Variants in ZNF605 observed in about 807,000 individuals in gnomAD.
ZNF605 encodes zinc finger protein 605.
ZNF605 carries 9 observed loss-of-function variants against 7.9 expected under a neutral mutation model. The ratio of observed to expected loss-of-function variants is 1.14; its 90% CI spans 0.68 to 1.98. The LOEUF is 1.98. Ranked by LOEUF, ZNF605 falls within the 30% of genes most tolerant of loss-of-function variation. ZNF605 has a pLI of 0.00. For synonymous variants in ZNF605, 255 were observed against 260.1 expected (o/e 0.98, Z 0.19); for missense variants, 673 against 762.4 (o/e 0.88, Z 1.38).
rs904669513 is a variant in ZNF605 at position 132,950,454 on chromosome 12, C to T, written c.-285-2184G>A. 1.8e-3 allele frequency among the ~76,000 whole-genome samples: 239 copies of T among 136,262 alleles called. 1 individual carries two copies. Among genetic ancestry groups the T allele is most frequent in the Admixed American group, 3.0e-3 (43 of 14,380 alleles). 89.4% of individuals were successfully genotyped at this position (136,262 alleles called of 152,430 possible). A position where few individuals can be genotyped will look rare whatever the true frequency, so the allele number is the denominator to read the frequency against. On this transcript the variant is annotated intron_variant, in intron 1 of 4. Transcript: ENST00000360187. ...GCACATACGTGCAGACGTGCACAGA[C>T]GCACATACAGACACACAGACATGCA...
At chr12:132,955,105 A>G (rs1449109361) in intron 1 of ZNF605, among the ~76,000 whole-genome samples, 3 of 152,094 alleles carry the variant, frequency 2.0e-5, no homozygotes, top group Non-Finnish European at 4.4e-5. Context: ...GGAAGTGGGG[A>G]AAAAAAGACG....
chr12:132,951,327 C>T (rs1033363431), intron 1 of ZNF605, among the ~76,000 whole-genome samples: 39 of 150,806 alleles, frequency 2.6e-4, no homozygotes, highest in Middle Eastern at 3.5e-3. Context: ...CTGATACACA[C>T]GTACATCACA....
Position 132,943,136 on chromosome 12 carries a change from G to A in ZNF605, c.15+2485C>T, listed in dbSNP as rs975324435. Among the ~76,000 whole-genome samples, 5 of 152,060 alleles carry A rather than the reference G, an allele frequency of 3.3e-5. No homozygotes were observed. In the East Asian group the frequency reaches 9.7e-4, roughly 29 times the overall value. On this transcript the variant is annotated intron_variant, in intron 3 of 4. Coordinates refer to ENST00000360187, the MANE Select transcript of ZNF605 (RefSeq NM_183238.4). Reference sequence around the variant, plus strand: ...CCCGCACTTTGGGAGACTGAGGTGGGTGGATCCCAAGGTCAGGAAATTGAG... The same window carrying A: ...CCCGCACTTTGGGAGACTGAGGTGGATGGATCCCAAGGTCAGGAAATTGAG...
At chr12:132,931,825 A>G (rs1952311618) in intron 4 of ZNF605, among the ~76,000 whole-genome samples, 1 of 152,262 alleles carries the variant, frequency 6.6e-6, no homozygotes, top group Non-Finnish European at 1.5e-5. Context: ...GAAGTTAAAC[A>G]TCAAATGTAC....
chr12:132,943,933 A>G (rs1178671085), intron 3 of ZNF605, among the ~76,000 whole-genome samples: 3 of 152,222 alleles, frequency 2.0e-5, no homozygotes, highest in Admixed American at 6.5e-5. Context: ...GAACAGATTA[A>G]TAATGTTTAC....
intron 1 of ZNF605, among the ~76,000 whole-genome samples, chr12:132,950,587 C>G (rs952590134): frequency 5.3e-5 from 8 of 151,760 alleles, no homozygotes; most frequent in Non-Finnish European, 8.8e-5. Context: ...TGCACACACA[C>G]TGATGCACAC....
chr12:132,939,058 G>C (rs562808044), intron 3 of ZNF605, among the ~76,000 whole-genome samples: 1 of 150,220 alleles, frequency 6.7e-6, no homozygotes, highest in Admixed American at 6.6e-5. Context: ...GCTCCCATGC[G>C]GCCCCAGCCT....
chr12:132,952,949 G>A (rs1267643635), intron 1 of ZNF605, among the ~76,000 whole-genome samples: 1 of 151,838 alleles, frequency 6.6e-6, no homozygotes, highest in East Asian at 1.9e-4. Context: ...CCAAGTCCCA[G>A]AGAGGGCCTC....
chr12:132,938,609 G>A (rs746324364), intron 3 of ZNF605, among the ~76,000 whole-genome samples: 3 of 152,190 alleles, frequency 2.0e-5, no homozygotes, highest in African/African-American at 4.8e-5. Flanking sequence ...CAGAGCCCTC[G>A]CTTGTTCTCG....
intron 1 of ZNF605, among the ~76,000 whole-genome samples, chr12:132,951,809 CACACAT>C (rs1257148637): frequency 3.4e-4 from 52 of 151,494 alleles, no homozygotes; most frequent in Middle Eastern, 3.4e-3. Context: ...TCACACATCA[CACACAT>C]ACACATACAC....
chr12:132,932,261 T>G (rs1952315617), intron 4 of ZNF605, among the ~76,000 whole-genome samples: 1 of 152,104 alleles, frequency 6.6e-6, no homozygotes, highest in African/African-American at 2.4e-5. Context: ...GCCTAGATTT[T>G]CACTCTGTAT....
At chr12:132,940,052 C>T (rs3884442) in intron 3 of ZNF605, among the ~76,000 whole-genome samples, 36,420 of 151,876 alleles carry the variant, frequency 0.24, 4,787 homozygotes, top group Middle Eastern at 0.4. Flanking sequence ...TAACACTCAC[C>T]GCGAGGGTCC....
At chr12:132,940,176 T>C (rs1298784617) in intron 3 of ZNF605, among the ~76,000 whole-genome samples, 3 of 152,174 alleles carry the variant, frequency 2.0e-5, no homozygotes, top group Non-Finnish European at 4.4e-5. Context: ...TAGGACATTC[T>C]GGAAAAGGCA....
chr12:132,935,207 A>G (rs1450713141), intron 3 of ZNF605, among the ~76,000 whole-genome samples: 6 of 152,304 alleles, frequency 3.9e-5, no homozygotes, highest in African/African-American at 1.4e-4. Flanking sequence ...GAAAGCTTAG[A>G]ATAAGCCCAA....
At chr12:132,937,096 C>T (rs942906673) in intron 3 of ZNF605, among the ~76,000 whole-genome samples, 32 of 152,234 alleles carry the variant, frequency 2.1e-4, no homozygotes, top group Middle Eastern at 3.4e-3. Context: ...CGGTGGCTCA[C>T]GCCTGTAATC....
chr12:132,931,343 C>T (rs1952307321), intron 4 of ZNF605, among the ~76,000 whole-genome samples: 2 of 152,118 alleles, frequency 1.3e-5, no homozygotes, highest in African/African-American at 2.4e-5. Flanking sequence ...AGAACACAGA[C>T]TACGTTACTG....
Position 132,948,225 on chromosome 12 carries a change from G to A in ZNF605, c.-240C>T, listed in dbSNP as rs1952514262. 1 of 152,130 alleles carries A rather than the reference G, an allele frequency of 6.6e-6. No homozygotes were observed. The highest frequency in any genetic ancestry group is 1.5e-5 in the Non-Finnish European group (1 of 68,034). The allele number at this position is 152,130 out of a possible 1,614,324, so 9.4% of individuals were successfully genotyped here. ...ACGGAATCAGAGCCAAAGAACTGAA[G>A]GACACGCAGCTGCACAGGGACGCTC... On this transcript the variant is annotated 5_prime_UTR_variant, in exon 2 of 5. Transcript: ENST00000360187.
intron 3 of ZNF605, among the ~76,000 whole-genome samples, chr12:132,935,919 G>A (rs1245687107): frequency 1.3e-5 from 2 of 149,140 alleles, no homozygotes; most frequent in African/African-American, 2.5e-5. Context: ...AAATTAGCCG[G>A]GCGTGGTGGT....
intron 4 of ZNF605, among the ~76,000 whole-genome samples, chr12:132,930,342 T>C (rs2137129703): frequency 6.6e-6 from 1 of 152,318 alleles, no homozygotes; most frequent in East Asian, 1.9e-4. Context: ...CCCACCAAAA[T>C]GTCATTCTGA....
Sources: allele counts gnomAD v4.1 joint callset (sites outside exome capture counted in the v4.1 genomes callset), GRCh38; gene constraint gnomAD v4.1.1; transcripts MANE v1.5; gene names NCBI Gene and HGNC (gene_info 2026-07-23, HGNC 2026-07-21).